ATP10B: variants seen among roughly 807,000 people sequenced by gnomAD.
ATP10B encodes the protein phospholipid-transporting ATPase VB.
A neutral mutation model predicts 141.2 loss-of-function variants in ATP10B; 122 were observed. That is an observed-to-expected ratio of 0.86 (90% confidence interval 0.75 to 1.00). ATP10B has a LOEUF of 1.00. Ranked by LOEUF, ATP10B falls within the 50% of genes least tolerant of loss-of-function variation. ATP10B has a pLI of 0.00. For missense variants in ATP10B, 1,876 were observed against 1,825.3 expected, an observed-to-expected ratio of 1.03 and a Z score of -0.51; for synonymous variants, 685 against 692.0, an observed-to-expected ratio of 0.99 and a Z score of 0.16.
At chr5:160,843,507 CAA>C (rs34514367) in intron 1 of ATP10B, among the ~76,000 whole-genome samples, 1 of 138,534 alleles carries the variant, frequency 7.2e-6, no homozygotes, top group African/African-American at 2.6e-5. Flanking sequence ...AGAGCATTGA[CAA>C]AAAAAAAAAG....
chr5:160,928,965 C>A, the ATP10B span, among the ~76,000 whole-genome samples: 7 of 152,192 alleles, frequency 4.6e-5, no homozygotes, highest in African/African-American at 1.7e-4. Context: ...TCTACAACAG[C>A]CCTCATAACA....
intron 17 of ATP10B, among the ~76,000 whole-genome samples, chr5:160,615,600 A>G (rs1581204555): frequency 6.6e-6 from 1 of 151,880 alleles, no homozygotes; most frequent in East Asian, 1.9e-4. Context: ...AAAGCAGCCA[A>G]ACTCAGAGGC....
upstream of ATP10B, among the ~76,000 whole-genome samples, chr5:160,855,977 C>G (rs1001729994): frequency 1.3e-5 from 2 of 151,808 alleles, no homozygotes; most frequent in African/African-American, 4.8e-5. Context: ...GTCTTGATGA[C>G]TATAATCATA....
chr5:160,637,027 T>TCCATCCATGAATCCATCCAC (rs1759445748), intron 10 of ATP10B, among the ~76,000 whole-genome samples: 1 of 120,252 alleles, frequency 8.3e-6, no homozygotes, highest in Non-Finnish European at 1.7e-5. Context: ...TATCCATCCA[T>TCCATCCATGAATCCATCCAC]CCATCCATCC....
intron 2 of ATP10B, among the ~76,000 whole-genome samples, chr5:160,770,791 T>C (rs1281575365): frequency 6.6e-6 from 1 of 152,162 alleles, no homozygotes; most frequent in Non-Finnish European, 1.5e-5. Flanking sequence ...ACTGAACAGA[T>C]GGTAAAATAG....
intron 8 of ATP10B, 37 bp from the exon 9 acceptor site, chr5:160,644,281 T>C (rs1760109477): frequency 1.3e-6 from 2 of 1,497,234 alleles, no homozygotes; most frequent in Admixed American, 1.7e-5. Flanking sequence ...GGTGGTTTGG[T>C]GGCCTTTCCT....
At chr5:160,831,007 C>T (rs1561904152) in intron 1 of ATP10B, among the ~76,000 whole-genome samples, 1 of 148,862 alleles carries the variant, frequency 6.7e-6, no homozygotes, top group Non-Finnish European at 1.5e-5. Context: ...ACAGAGTGGA[C>T]AGAATAGTGT....
At chr5:160,640,651 A>G (rs752793748) in intron 9 of ATP10B, 59 bp from the exon 10 acceptor site, 3 of 1,581,246 alleles carry the variant, frequency 1.9e-6, no homozygotes, top group African/African-American at 1.4e-5. Flanking sequence ...GTCTTACACC[A>G]TTCCCTCAGC....
At position 160,813,369 on chromosome 5, in the gene ATP10B, C is replaced by CT. The variant is rs200687466; in HGVS notation, c.-575-27567_-575-27566insA. Among the ~76,000 whole-genome samples the CT allele has an allele frequency of 9.2e-3, 1,398 of 152,324 alleles. 21 individuals are homozygous for CT. The highest frequency in any genetic ancestry group is 0.032 in the African/African-American group (1,335 of 41,576). The stretch of plus-strand genomic sequence containing the variant: ...CATGGCTTGGAGGGTCCTACGCCCA[C>CT]AGAGCCTCGCTCATTGCTAGCACAG... On this transcript the variant is annotated intron_variant, in intron 1 of 25. Transcript: ENST00000327245.
At chr5:160,882,271 G>A in the ATP10B span, among the ~76,000 whole-genome samples, 1 of 152,118 alleles carries the variant, frequency 6.6e-6, no homozygotes, top group Non-Finnish European at 1.5e-5. Flanking sequence ...TACTTAAGAC[G>A]TGTCAGTGTA....
At chr5:160,733,668 TA>T (rs1349246445) in intron 2 of ATP10B, among the ~76,000 whole-genome samples, 2 of 20,802 alleles carry the variant, frequency 9.6e-5, no homozygotes, top group African/African-American at 1.2e-3. Context: ...TGTAACGTTA[TA>T]TATATATATA....
chr5:160,871,865 A>C, the ATP10B span, among the ~76,000 whole-genome samples: 3 of 151,904 alleles, frequency 2.0e-5, no homozygotes, highest in Non-Finnish European at 2.9e-5. Flanking sequence ...TTTTTGTATA[A>C]TGACTTTTTT....
At chr5:160,592,999 C>T (rs1293543734) in intron 22 of ATP10B, among the ~76,000 whole-genome samples, 2 of 152,222 alleles carry the variant, frequency 1.3e-5, no homozygotes, top group Admixed American at 6.5e-5. Flanking sequence ...CACAGATGAA[C>T]AAAAAGACAG....
intron 1 of ATP10B, among the ~76,000 whole-genome samples, chr5:160,835,053 G>C (rs1191991017): frequency 6.6e-6 from 1 of 152,056 alleles, no homozygotes; most frequent in Non-Finnish European, 1.5e-5. Flanking sequence ...TTACTGATGA[G>C]GCTGAAGTTC....
rs1168643869 is a variant in ATP10B, at chr5:160,818,148, T to C, written c.-575-32345A>G. On this transcript the variant is annotated intron_variant, in intron 1 of 25. Coordinates refer to ENST00000327245, the MANE Select transcript of ATP10B (RefSeq NM_025153.3). ...GGCAACAAAAGCCAAAATTGACAAA[T>C]GGGATCTAATTAAACTAAAGAGCTT... 2.8e-4 allele frequency among the ~76,000 whole-genome samples: 43 copies of C among 152,046 alleles called. 1 individual carries two copies. The highest frequency in any genetic ancestry group is 2.6e-3 in the Admixed American group (40 of 15,264).
chr5:160,706,779 A>G (rs901002162), intron 3 of ATP10B, among the ~76,000 whole-genome samples: 14 of 152,220 alleles, frequency 9.2e-5, no homozygotes, highest in African/African-American at 3.4e-4. Flanking sequence ...ACTAAACAAC[A>G]GACTATTCAG....
intron 24 of ATP10B, among the ~76,000 whole-genome samples, chr5:160,581,576 G>A (rs566402040): frequency 1.3e-5 from 2 of 152,262 alleles, no homozygotes; most frequent in Admixed American, 1.3e-4. Context: ...CAATTATGTG[G>A]TCAATTTTAG....
chr5:160,704,788 T>A (rs879680964), intron 3 of ATP10B, among the ~76,000 whole-genome samples: 2 of 152,170 alleles, frequency 1.3e-5, no homozygotes, highest in South Asian at 4.1e-4. Context: ...TTTGATAACT[T>A]GCCACAGCTT....
At chr5:160,861,282 C>A in the ATP10B span, among the ~76,000 whole-genome samples, 1 of 151,810 alleles carries the variant, frequency 6.6e-6, no homozygotes, top group African/African-American at 2.4e-5. Flanking sequence ...AGAGAACTAC[C>A]TACCATAATT....
Sources: allele counts gnomAD v4.1 joint callset (sites outside exome capture counted in the v4.1 genomes callset), GRCh38; gene constraint gnomAD v4.1.1; transcripts MANE v1.5; gene names NCBI Gene and HGNC (gene_info 2026-07-23, HGNC 2026-07-21).